RELN: variants seen among roughly 807,000 people sequenced by gnomAD.
RELN encodes the protein reelin.
In RELN, 108 loss-of-function variants were observed where a neutral mutation model predicts 427.6. The observed-to-expected ratio is 0.25, with a 90% confidence interval of 0.22 to 0.30. The LOEUF (loss-of-function observed/expected upper bound fraction) is 0.30. RELN is among the 10% of genes least tolerant of loss of function. The pLI, the probability that RELN is intolerant of heterozygous loss-of-function variation, is 1.00. For missense variants in RELN, 3,715 were observed against 4,302.8 expected, an observed-to-expected ratio of 0.86 and a Z score of 3.82; for synonymous variants, 1,524 against 1,513.4, an observed-to-expected ratio of 1.01 and a Z score of -0.16.
At chr7:103,929,826 G>A (rs1795821940) in intron 1 of RELN, among the ~76,000 whole-genome samples, 1 of 152,218 alleles carries the variant, frequency 6.6e-6, no homozygotes, top group African/African-American at 2.4e-5. Context: ...GACTTCAGCT[G>A]GCACAAGCAT....
chr7:103,596,615 A>C lies in RELN; in HGVS notation c.3380T>G (p.Val1127Gly). The C allele has an allele frequency of 6.2e-7, 1 of 1,614,050 alleles. No individual in the cohort carries two copies. Among genetic ancestry groups the C allele is most frequent in the Non-Finnish European group, 8.5e-7 (1 of 1,179,958 alleles). ...CTGGATGTAGAACTGGACAAAGTCC[A>C]CCCAAGAAGTATCCAGGTCCCAACT... ...LVSWDLDTSW[V>G]DFVQFYIQIG... The change falls in exon 25 of 65, where the codon GTG becomes GGG. Residue 1127 changes from valine (V) to glycine (G), a missense_variant. By Grantham distance (109) the Val-to-Gly change is moderately radical. Around this residue, in one of 4 missense-constraint regions of RELN, gnomAD observed 2,208 missense variants for 2,361.7 expected, o/e 0.93. Transcript: ENST00000428762.
At chr7:103,829,170 C>T (rs943936428) in intron 3 of RELN, among the ~76,000 whole-genome samples, 3 of 151,970 alleles carry the variant, frequency 2.0e-5, no homozygotes, top group African/African-American at 7.2e-5. Flanking sequence ...GTGGCTGGCA[C>T]ATTGTAAATT....
intron 19 of RELN, among the ~76,000 whole-genome samples, chr7:103,633,608 A>C (rs73714483): frequency 2.1e-3 from 322 of 152,266 alleles, no homozygotes; most frequent in African/African-American, 7.3e-3. Flanking sequence ...CTTGATTCTT[A>C]GAAGAAAAAT....
Position 103,561,564 on chromosome 7 carries a change from T to C in RELN, c.5497A>G (p.Ile1833Val). 1 of 1,613,894 alleles carries C rather than the reference T, an allele frequency of 6.2e-7. No homozygotes were observed. Among genetic ancestry groups the C allele is most frequent in the South Asian group, 1.1e-5 (1 of 91,078 alleles). ...AERGNLNGET[I>V]KSGTSLIFKG... ...AAAATTAGAGATGTTCCAGATTTGATGGTTTCACCATTCAGATTCCCCCTC... is the reference window on the plus strand; with the variant it reads ...AAAATTAGAGATGTTCCAGATTTGACGGTTTCACCATTCAGATTCCCCCTC... The change falls in exon 36 of 65, where the codon ATC becomes GTC. Residue 1833 changes from isoleucine (I) to valine (V), a missense_variant. Around this residue, in one of 4 missense-constraint regions of RELN, gnomAD observed 2,208 missense variants for 2,361.7 expected, o/e 0.93. Transcript: ENST00000428762.
At chr7:103,933,757 A>G (rs989706719) in intron 1 of RELN, among the ~76,000 whole-genome samples, 1 of 152,124 alleles carries the variant, frequency 6.6e-6, no homozygotes, top group Non-Finnish European at 1.5e-5. Flanking sequence ...CCTGGGCCCC[A>G]AAGTTTCCAG....
chr7:103,973,532 A>C (rs1563119175), intron 1 of RELN, among the ~76,000 whole-genome samples: 2 of 152,170 alleles, frequency 1.3e-5, no homozygotes, highest in Non-Finnish European at 2.9e-5. Flanking sequence ...TGAAAAAAAT[A>C]AAAATAAAAC....
In RELN at chr7:103,989,518, A is replaced by G. The variant is rs928289947; in HGVS notation, c.-162T>C. 7.7e-5 allele frequency: 43 copies of G among 557,538 alleles called. No homozygotes were observed. Among genetic ancestry groups the G allele is most frequent in the Non-Finnish European group, 1.1e-4 (38 of 361,424 alleles). 34.5% of individuals were successfully genotyped at this position (557,538 alleles called of 1,614,324 possible). A position where few individuals can be genotyped will look rare whatever the true frequency, so the allele number is the denominator to read the frequency against. ...GCCTGGGAGCGGGCCCCCGCCGAGA[A>G]GTTCCGCGGGAGACGGCGGCTCCCA... On this transcript the variant is annotated 5_prime_UTR_variant, in exon 1 of 65. Coordinates refer to ENST00000428762, the MANE Select transcript of RELN (RefSeq NM_005045.4). This position sits in a 1 kb window ranked among gnomAD's most constrained non-coding sequence, Gnocchi z 4.9.
intron 2 of RELN, among the ~76,000 whole-genome samples, chr7:103,896,084 G>A (rs190968859): frequency 6.6e-6 from 1 of 152,026 alleles, no homozygotes; most frequent in Non-Finnish European, 1.5e-5. Context: ...AAAGTGCTCA[G>A]TATCAATAGT....
At chr7:103,515,146 T>C (rs1345009901) in intron 50 of RELN, 39 bp downstream of exon 50, 1 of 1,613,724 alleles carries the variant, frequency 6.2e-7, no homozygotes, top group Non-Finnish European at 8.5e-7. Flanking sequence ...ACCACTGCAT[T>C]TCCACTGGGC....
intron 1 of RELN, among the ~76,000 whole-genome samples, chr7:103,954,934 G>T (rs556993775): frequency 6.6e-6 from 1 of 152,216 alleles, no homozygotes; most frequent in East Asian, 1.9e-4. Flanking sequence ...GACTTTAAAA[G>T]ATAAAATAAA....
At chr7:103,732,228 A>T (rs1394991045) in intron 6 of RELN, among the ~76,000 whole-genome samples, 1 of 152,084 alleles carries the variant, frequency 6.6e-6, no homozygotes, top group Non-Finnish European at 1.5e-5. Context: ...AGGATATACA[A>T]AGTAAGAAGA....
chr7:103,698,747 T>TC (rs1195873071), intron 9 of RELN, among the ~76,000 whole-genome samples: 2 of 152,126 alleles, frequency 1.3e-5, no homozygotes, highest in Non-Finnish European at 2.9e-5. Flanking sequence ...ACTCCTGGGC[T>TC]CAAGTGATCC....
intron 51 of RELN, among the ~76,000 whole-genome samples, chr7:103,507,232 C>A (rs1829246128): frequency 6.6e-6 from 1 of 152,180 alleles, no homozygotes; most frequent in African/African-American, 2.4e-5. Context: ...AATATACATT[C>A]TTCTTAGCAC....
At chr7:103,576,090 G>A (rs955642431) in intron 28 of RELN, among the ~76,000 whole-genome samples, 1 of 152,168 alleles carries the variant, frequency 6.6e-6, no homozygotes, top group African/African-American at 2.4e-5. Context: ...AAGTAGCCGG[G>A]CGTGGTGGCA....
chr7:103,693,527 T>C (rs560538888), intron 10 of RELN, among the ~76,000 whole-genome samples: 7 of 133,516 alleles, frequency 5.2e-5, no homozygotes, highest in African/African-American at 1.7e-4. Flanking sequence ...AAAAGAACTA[T>C]AACAAAATCC....
chr7:103,921,520 T>C (rs1436482361), intron 1 of RELN, among the ~76,000 whole-genome samples: 4 of 152,194 alleles, frequency 2.6e-5, no homozygotes, highest in Non-Finnish European at 4.4e-5. Context: ...ATCAATATTA[T>C]CGATTTCATA....
intron 27 of RELN, among the ~76,000 whole-genome samples, chr7:103,592,787 C>G (rs1399359979): frequency 6.6e-6 from 1 of 152,096 alleles, no homozygotes; most frequent in East Asian, 1.9e-4. Flanking sequence ...TTGCTATTAA[C>G]ATTATTTTGT....
chr7:103,881,067 C>T (rs1475052410), intron 2 of RELN, among the ~76,000 whole-genome samples: 1 of 152,062 alleles, frequency 6.6e-6, no homozygotes, highest in Non-Finnish European at 1.5e-5. Flanking sequence ...CTTAAGCAAA[C>T]AAACCAACTC....
chr7:103,834,301 C>T (rs2116411067), intron 2 of RELN, among the ~76,000 whole-genome samples: 1 of 152,264 alleles, frequency 6.6e-6, no homozygotes, highest in Middle Eastern at 3.4e-3. Flanking sequence ...CAACAGCAGT[C>T]CTATTTGCAT....
Sources: gnomAD v4.1 joint callset for allele counts (sites outside exome capture counted in the v4.1 genomes callset) on GRCh38, gnomAD v4.1.1 for gene constraint, gnomAD v4.1.1 regional missense constraint, Gnocchi (gnomAD v3.1) non-coding constraint, MANE v1.5 for transcripts, NCBI Gene and HGNC (gene_info 2026-07-23, HGNC 2026-07-21) for gene names.